The following ARAP2 variants were observed in gnomAD, a reference collection of about 807,000 sequenced individuals.
The protein encoded by ARAP2 is arf-GAP with Rho-GAP domain, ANK repeat and PH domain-containing protein 2.
ARAP2 carries 148 observed loss-of-function variants against 194.5 expected under a neutral mutation model. The observed-to-expected ratio is 0.76, with a 90% confidence interval of 0.67 to 0.87. The LOEUF (loss-of-function observed/expected upper bound fraction) is 0.87. Among genes scored for constraint, ARAP2 ranks in the 40% least tolerant of loss-of-function variants. The pLI, the probability that ARAP2 is intolerant of heterozygous loss-of-function variation, is 0.00. For synonymous variants in ARAP2, 695 were observed against 683.5 expected, an observed-to-expected ratio of 1.02 and a Z score of -0.26; for missense variants, 2,128 against 1,989.7, an observed-to-expected ratio of 1.07 and a Z score of -1.32.
At chr4:36,167,183 C>G in intron 9 of ARAP2, 136 bp from the exon 10 acceptor site, 2 of 586,568 alleles carry the variant, frequency 3.4e-6, no homozygotes, top group Non-Finnish European at 5.9e-6. Flanking sequence ...TAGCCACTCT[C>G]AATACATAAT....
At chr4:36,188,293 T>C (rs544412970) in intron 7 of ARAP2, among the ~76,000 whole-genome samples, 3 of 152,280 alleles carry the variant, frequency 2.0e-5, no homozygotes, top group African/African-American at 7.2e-5. Context: ...GGGCCCCGTG[T>C]TGGAAAGAAA....
chr4:36,125,049 A>T, intron 21 of ARAP2, 82 bp from the exon 22 acceptor site: 1 of 853,070 alleles, frequency 1.2e-6, no homozygotes, highest in East Asian at 2.6e-5. Flanking sequence ...ATTGTAAAAC[A>T]GTCACAAACA....
At chr4:36,119,518 G>GTTTTTTTTTTTTTTTT in intron 24 of ARAP2, 132 bp downstream of exon 24, 1 of 491,604 alleles carries the variant, frequency 2.0e-6, no homozygotes, top group Non-Finnish European at 3.5e-6. Flanking sequence ...CAACCAATTA[G>GTTTTTTTTTTTTTTTT]TTTTTTTTTT....
intron 6 of ARAP2, among the ~76,000 whole-genome samples, chr4:36,207,906 T>A (rs1052736761): frequency 6.6e-6 from 1 of 152,194 alleles, no homozygotes; most frequent in Non-Finnish European, 1.5e-5. Flanking sequence ...TCTTATAAAT[T>A]GCTGTTTTAG....
chr4:36,066,556 TAAAA>T lies in ARAP2; in HGVS notation c.*1347_*1350del, dbSNP rs1490156526. The T allele has an allele frequency of 6.8e-6, 1 of 147,578 alleles. No homozygotes were observed. The highest frequency in any genetic ancestry group is 1.5e-5 in the Non-Finnish European group (1 of 66,670). 9.1% of individuals were successfully genotyped at this position (147,578 alleles called of 1,614,324 possible). On this transcript the variant is annotated 3_prime_UTR_variant, in exon 33 of 33. Transcript: ENST00000303965. ...GGGCCTGTGAATATAGATTGAAAAATAAAAAAGAAATGCTAAAAAAAAAAAACTT... is the reference window on the plus strand; with the variant it reads ...GGGCCTGTGAATATAGATTGAAAAATAAGAAATGCTAAAAAAAAAAAACTT...
At chr4:36,095,227 T>C (rs1000403831) in intron 27 of ARAP2, among the ~76,000 whole-genome samples, 1 of 152,178 alleles carries the variant, frequency 6.6e-6, no homozygotes, top group African/African-American at 2.4e-5. Context: ...TGTTGTTCTA[T>C]AGTTTGAATG....
chr4:36,162,511 G>A (rs1734324912), intron 11 of ARAP2, among the ~76,000 whole-genome samples: 1 of 151,832 alleles, frequency 6.6e-6, no homozygotes, highest in African/African-American at 2.4e-5. Context: ...AGGAAAAAAA[G>A]TGTACAGTCC....
intron 27 of ARAP2, among the ~76,000 whole-genome samples, chr4:36,104,082 T>C (rs1037584144): frequency 6.6e-6 from 1 of 151,930 alleles, no homozygotes; most frequent in Non-Finnish European, 1.5e-5. Flanking sequence ...ATTAGGTATC[T>C]AATGTGGGGG....
intron 20 of ARAP2, among the ~76,000 whole-genome samples, chr4:36,129,840 A>AAC (rs1724967311): frequency 7.4e-6 from 1 of 134,274 alleles, no homozygotes; most frequent in East Asian, 2.5e-4. Flanking sequence ...ATATACATGC[A>AAC]ACATACACAC....
In ARAP2 at chr4:36,213,397, A is replaced by G; in HGVS notation, c.965-78T>C. 3 of 1,142,398 alleles carry G rather than the reference A, an allele frequency of 2.6e-6. No individual in the cohort carries two copies. The South Asian group carries it at 4.0e-5, about 15-fold the overall frequency. 70.8% of individuals were successfully genotyped at this position (1,142,398 alleles called of 1,614,324 possible). On this transcript the variant is annotated intron_variant, in intron 3 of 32. Transcript: ENST00000303965. ...CTGTTTTTAAAAAAAGATTAAAAGC[A>G]TGAGTTTTTTATGGCATTATCACAA...
At chr4:36,100,238 A>G (rs1358751832) in intron 27 of ARAP2, among the ~76,000 whole-genome samples, 1 of 152,126 alleles carries the variant, frequency 6.6e-6, no homozygotes. Context: ...CCCAGCGCAC[A>G]TAGTAAATTC....
intron 23 of ARAP2, among the ~76,000 whole-genome samples, chr4:36,120,590 T>C (rs13109613): frequency 0.065 from 9,871 of 151,674 alleles, 424 homozygotes; most frequent in Middle Eastern, 0.13. Flanking sequence ...TCCACCAATT[T>C]GAATCCTGGG....
At chr4:36,110,350 G>T (rs1719607683) in intron 26 of ARAP2, among the ~76,000 whole-genome samples, 1 of 151,826 alleles carries the variant, frequency 6.6e-6, no homozygotes, top group Admixed American at 6.6e-5. Context: ...AAAATAAACA[G>T]ATCTTCCACA....
At chr4:36,153,929 A>C (rs1229381381) in intron 15 of ARAP2, among the ~76,000 whole-genome samples, 1 of 152,064 alleles carries the variant, frequency 6.6e-6, no homozygotes, top group Non-Finnish European at 1.5e-5. Flanking sequence ...TACCCTTTTC[A>C]CTGGCACATA....
At chr4:36,178,712 C>T (rs1167930243) in intron 8 of ARAP2, among the ~76,000 whole-genome samples, 1 of 152,066 alleles carries the variant, frequency 6.6e-6, no homozygotes, top group African/African-American at 2.4e-5. Context: ...TAATGGAACA[C>T]AGTAGTATAA....
intron 8 of ARAP2, among the ~76,000 whole-genome samples, chr4:36,185,457 G>A (rs891009876): frequency 4.6e-5 from 7 of 152,098 alleles, no homozygotes; most frequent in South Asian, 2.1e-4. Context: ...TTTGAACAAA[G>A]CTGCTCCAGT....
rs1729743552 is a variant in ARAP2, at chr4:36,082,252, A to G, written c.4543T>C (p.Trp1515Arg). 6.2e-7 allele frequency: 1 copy of G among 1,611,028 alleles called. No individual in the cohort carries two copies. Among genetic ancestry groups the G allele is most frequent in the South Asian group, 1.1e-5 (1 of 90,316 alleles). The change falls in exon 30 of 33, where the codon TGG (tryptophan) becomes CGG (arginine). Residue 1515 changes from tryptophan (W) to arginine (R), a missense_variant and splice_region_variant. Coordinates refer to ENST00000303965, the MANE Select transcript of ARAP2 (RefSeq NM_015230.4). ...GLTAYSEKHH[W>R]HLCCDSSRTQ... is the part of the protein sequence containing the mutation. ...AAAAGTTGTCAGCTGTTAACTTACC[A>G]GTGATGTTTCTCAGAATATGCGGTC...
At chr4:36,133,413 A>C (rs1250454885) in intron 19 of ARAP2, 24 bp from the exon 20 acceptor site, 1 of 1,590,366 alleles carries the variant, frequency 6.3e-7, no homozygotes, top group South Asian at 1.1e-5. Context: ...AAAGCATTTC[A>C]AATTATAATT....
At chr4:36,060,888 C>T (rs1033461664) in intron 1 of ARAP2, among the ~76,000 whole-genome samples, 3 of 152,126 alleles carry the variant, frequency 2.0e-5, no homozygotes, top group African/African-American at 7.2e-5. Context: ...ACTCAACCAC[C>T]TCTGTGAAGG....
Sources: allele counts gnomAD v4.1 joint callset (sites outside exome capture counted in the v4.1 genomes callset), GRCh38; gene constraint gnomAD v4.1.1; transcripts MANE v1.5; gene names NCBI Gene and HGNC (gene_info 2026-07-23, HGNC 2026-07-21).